The following DENND11 variants were observed in gnomAD, a reference collection of about 807,000 sequenced individuals.
The protein encoded by DENND11 is DENN domain-containing protein 11.
Under a neutral mutation model 49.2 loss-of-function variants are expected in DENND11, and 34 were observed. The ratio of observed to expected loss-of-function variants is 0.69; its 90% confidence interval spans 0.53 to 0.92. The LOEUF (loss-of-function observed/expected upper bound fraction) is 0.92. Ranked by LOEUF, DENND11 falls within the 40% of genes least tolerant of loss-of-function variation. The pLI is 0.00. For missense variants in DENND11, 475 were observed against 581.6 expected (o/e 0.82, Z 1.88); for synonymous variants, 238 against 230.3 (o/e 1.03, Z -0.30).
chr7:141,681,907 TGGACAAG>T (rs1005542332), intron 3 of DENND11, among the ~76,000 whole-genome samples: 13 of 152,252 alleles, frequency 8.5e-5, no homozygotes, highest in African/African-American at 3.1e-4. Flanking sequence ...TGGAGGACAA[TGGACAAG>T]GGATTCTACA....
intron 1 of DENND11, 105 bp from the exon 2 acceptor site, chr7:141,686,763 C>G (rs1798250174): frequency 4.0e-6 from 3 of 754,778 alleles, no homozygotes; most frequent in Admixed American, 4.2e-5. Context: ...CGACTGCTGA[C>G]TCAGCCTCAG....
chr7:141,675,216 T>C (rs572816839), intron 3 of DENND11, among the ~76,000 whole-genome samples: 11 of 152,192 alleles, frequency 7.2e-5, no homozygotes, highest in African/African-American at 2.4e-4. Flanking sequence ...ATGATGCATC[T>C]ACAAGCCAAG....
chr7:141,673,998 A>C, intron 4 of DENND11, 69 bp downstream of exon 4: 1 of 1,518,436 alleles, frequency 6.6e-7, no homozygotes, highest in Non-Finnish European at 8.9e-7. Flanking sequence ...ATTCATTAAA[A>C]AGTAATCAAC....
At position 141,664,957 on chromosome 7, in the gene DENND11, C is replaced by T. The variant is rs1797867402; in HGVS notation, c.1050G>A (p.Leu350=). The T allele has an allele frequency of 6.2e-7, 1 of 1,613,584 alleles. No homozygotes were observed. Reference sequence around the variant, plus strand: ...CCCTGTCAGCACTGTTGATCTTCAGCAGCGGCTGCAGGTGGTCGTGGTGTG... The same window carrying T: ...CCCTGTCAGCACTGTTGATCTTCAGTAGCGGCTGCAGGTGGTCGTGGTGTG... ...VKTHHDHLQP[L]LKINSADREK... is the part of the protein sequence containing the mutation. The change falls in exon 7 of 9, where the codon CTG becomes CTA. Residue 350 remains leucine, a synonymous_variant. Coordinates refer to ENST00000536163, the MANE Select transcript of DENND11 (RefSeq NM_001080392.2).
rs985152467 is a variant in DENND11, at chr7:141,684,142, G to A, written c.527+1336C>T. Among the ~76,000 whole-genome samples the A allele has an allele frequency of 2.6e-5, 4 of 152,108 alleles. No homozygotes were observed. In the East Asian group the frequency reaches 7.7e-4, roughly 29 times the overall value. On this transcript the variant is annotated intron_variant, in intron 3 of 8. Transcript: ENST00000536163. Reference sequence around the variant, plus strand: ...GAATCTTGCTTTGTTGCCCAGGCTGGTCTTGAATTCCTGGCTTCAACTGAT... The same window carrying A: ...GAATCTTGCTTTGTTGCCCAGGCTGATCTTGAATTCCTGGCTTCAACTGAT...
At chr7:141,675,468 T>C (rs1798049655) in intron 3 of DENND11, among the ~76,000 whole-genome samples, 1 of 152,188 alleles carries the variant, frequency 6.6e-6, no homozygotes. Context: ...TCTTAGCCCA[T>C]CTTTATTTTC....
At chr7:141,685,069 CTCTT>C (rs1248839396) in intron 3 of DENND11, among the ~76,000 whole-genome samples, 75 of 133,294 alleles carry the variant, frequency 5.6e-4, no homozygotes, top group African/African-American at 1.9e-3. Context: ...TTTTTAAGTT[CTCTT>C]TCTATTATCC....
chr7:141,687,696 G>A (rs541016605), intron 1 of DENND11, among the ~76,000 whole-genome samples: 2 of 142,456 alleles, frequency 1.4e-5, no homozygotes, highest in East Asian at 2.1e-4. Flanking sequence ...GTGCAGTGGC[G>A]CGATCTCGGC....
intron 1 of DENND11, 31 bp from the exon 2 acceptor site, chr7:141,686,689 AAAC>A: frequency 6.7e-7 from 1 of 1,493,530 alleles, no homozygotes. Context: ...AAGTTAAAAG[AAAC>A]AACATCATTC....
chr7:141,668,050 C>T (rs1797922097), intron 4 of DENND11, among the ~76,000 whole-genome samples: 1 of 152,224 alleles, frequency 6.6e-6, no homozygotes, highest in South Asian at 2.1e-4. Flanking sequence ...GCCGGTTCCT[C>T]CCAGCTTTCC....
chr7:141,685,587 G>T lies in DENND11; in HGVS notation c.418C>A (p.Pro140Thr). Residue 140 changes from proline to threonine, a missense_variant, in exon 3 of 9, where the codon CCC becomes ACC. Transcript: ENST00000536163. The stretch of plus-strand genomic sequence containing the variant: ...CCACGTTCCAGCTCGCTCTCCACGG[G>T]CATGTTGGCAAAGCAGGCCAGGCCG... ...FFGLACFANM[P>T]VESELERGAR... is the part of the protein sequence containing the mutation. 6.2e-7 allele frequency: 1 copy of T among 1,613,968 alleles called. No individual in the cohort carries two copies. The highest frequency in any genetic ancestry group is 8.5e-7 in the Non-Finnish European group (1 of 1,179,890).
At chr7:141,677,376 C>T (rs1348139500) in intron 3 of DENND11, among the ~76,000 whole-genome samples, 2 of 130,464 alleles carry the variant, frequency 1.5e-5, no homozygotes, top group South Asian at 2.6e-4. Context: ...GGTGACAGAG[C>T]GAGACTCTTG....
chr7:141,679,008 T>C (rs779765774), intron 3 of DENND11, among the ~76,000 whole-genome samples: 1 of 152,320 alleles, frequency 6.6e-6, no homozygotes, highest in African/African-American at 2.4e-5. Flanking sequence ...AAATTGTAGA[T>C]GAAATACAAG....
intron 1 of DENND11, among the ~76,000 whole-genome samples, chr7:141,691,806 G>A (rs768993970): frequency 1.3e-5 from 2 of 152,116 alleles, no homozygotes; most frequent in African/African-American, 2.4e-5. Context: ...TGTCTTTGAC[G>A]TCTGTCTCTG....
chr7:141,680,549 A>C (rs988498405), intron 3 of DENND11, among the ~76,000 whole-genome samples: 7 of 151,920 alleles, frequency 4.6e-5, no homozygotes, highest in Non-Finnish European at 1.0e-4. Flanking sequence ...GCTAAAGGCC[A>C]CATTTCCCAG....
At chr7:141,667,213 G>A (rs569205810) in intron 4 of DENND11, among the ~76,000 whole-genome samples, 40 of 152,162 alleles carry the variant, frequency 2.6e-4, no homozygotes, top group Non-Finnish European at 5.0e-4. Flanking sequence ...GAGCCACCAC[G>A]ACTGGCCCCA....
At chr7:141,675,670 A>C (rs918850583) in intron 3 of DENND11, among the ~76,000 whole-genome samples, 2 of 152,136 alleles carry the variant, frequency 1.3e-5, no homozygotes, top group African/African-American at 2.4e-5. Flanking sequence ...TGTTGAGTCA[A>C]GATTTTCATC....
rs745462852 is a variant in DENND11 at position 141,662,676 on chromosome 7, C to A, written c.1348G>T (p.Asp450Tyr). Residue 450 changes from aspartate to tyrosine, a missense_variant, in exon 9 of 9, where the codon GAC becomes TAC. Physicochemically the swap from Asp to Tyr is radical, Grantham distance 160. Coordinates refer to ENST00000536163, the MANE Select transcript of DENND11 (RefSeq NM_001080392.2). Reference protein sequence around the residue: ...AYGIDVMLVIDNPCCP With the variant: ...AYGIDVMLVIYNPCCP ...TCCTCCTACGGGCAACAGGGGTTGT[C>A]GATAACCAGCATGACATCAATGCCA... 1 of 1,596,938 alleles carries A rather than the reference C, an allele frequency of 6.3e-7. No individual in the cohort carries two copies. The highest frequency in any genetic ancestry group is 8.5e-7 in the Non-Finnish European group (1 of 1,172,786).
At position 141,678,544 on chromosome 7, in the gene DENND11, T is replaced by C. The variant is rs556061358; in HGVS notation, c.528-4324A>G. ...GAGAATGAACCCCATGTATTTATCA[T>C]CTAGCTTCAATAATATTTGATCCAT... is the stretch of plus-strand genomic sequence containing the variant. On this transcript the variant is annotated intron_variant, in intron 3 of 8. Coordinates refer to ENST00000536163, the MANE Select transcript of DENND11 (RefSeq NM_001080392.2). Among the ~76,000 whole-genome samples the C allele has an allele frequency of 2.6e-5, 4 of 152,352 alleles. No homozygotes were observed. In the South Asian group the frequency reaches 8.3e-4, roughly 32 times the overall value.
Sources: allele counts gnomAD v4.1 joint callset (sites outside exome capture counted in the v4.1 genomes callset), GRCh38; gene constraint gnomAD v4.1.1; transcripts MANE v1.5; gene names NCBI Gene and HGNC (gene_info 2026-07-23, HGNC 2026-07-21).